Variants in ARIH1 observed in about 807,000 individuals in gnomAD.
ARIH1 encodes E3 ubiquitin-protein ligase ARIH1.
ARIH1 carries 8 observed loss-of-function variants against 85.0 expected under a neutral mutation model. That is an observed-to-expected ratio of 0.09 (90% CI 0.06 to 0.17). ARIH1 has a LOEUF of 0.17. Ranked by LOEUF, ARIH1 falls within the 10% of genes least tolerant of loss-of-function variation. The probability of loss-of-function intolerance (pLI) is 1.00; values close to 1 mark genes in which losing one functional copy is unlikely to be tolerated. For missense variants in ARIH1, 311 were observed against 718.1 expected (o/e 0.43, Z 6.48); for synonymous variants, 238 against 253.6 (o/e 0.94, Z 0.59).
In ARIH1 at chr15:72,596,666, T is replaced by C. The variant is rs533036180; in HGVS notation, c.*13374T>C. ...TTCTTTTTGTTTTCAGTTTGGATAC[T>C]TTCCATTTAACCATCTTTAAGTTTT... is the stretch of plus-strand genomic sequence containing the variant. On this transcript the variant is annotated 3_prime_UTR_variant, in exon 14 of 14. Transcript: ENST00000379887. 6.6e-6 allele frequency: 1 copy of C among 152,310 alleles called. No individual in the cohort carries two copies. Among genetic ancestry groups the C allele is most frequent in the Admixed American group, 6.5e-5 (1 of 15,298 alleles). 9.4% of individuals were successfully genotyped at this position (152,310 alleles called of 1,614,324 possible). A position where few individuals can be genotyped will look rare whatever the true frequency, so the allele number is the denominator to read the frequency against.
At chr15:72,550,325 G>A (rs887815962) in intron 3 of ARIH1, among the ~76,000 whole-genome samples, 1 of 152,174 alleles carries the variant, frequency 6.6e-6, no homozygotes, top group African/African-American at 2.4e-5. Flanking sequence ...GTCAAAAAAG[G>A]TTGAGACTTA....
In ARIH1 at chr15:72,593,452, A is replaced by G. The variant is rs879438860; in HGVS notation, c.*10160A>G. Reference sequence around the variant, plus strand: ...GAATATATTTTCTTCTAGAAGTTTTATGGTTTGGGATTTTATGTTTAGGTC... The same window carrying G: ...GAATATATTTTCTTCTAGAAGTTTTGTGGTTTGGGATTTTATGTTTAGGTC... On this transcript the variant is annotated 3_prime_UTR_variant, in exon 14 of 14. Transcript: ENST00000379887. 1 of 152,142 alleles carries G rather than the reference A, an allele frequency of 6.6e-6. No individual in the cohort carries two copies. The highest frequency in any genetic ancestry group is 1.5e-5 in the Non-Finnish European group (1 of 68,010). 9.4% of individuals were successfully genotyped at this position (152,142 alleles called of 1,614,324 possible). A position where few individuals can be genotyped will look rare whatever the true frequency, so the allele number is the denominator to read the frequency against.
intron 1 of ARIH1, among the ~76,000 whole-genome samples, chr15:72,512,702 T>C (rs2063955933): frequency 6.6e-6 from 1 of 152,030 alleles, no homozygotes; most frequent in South Asian, 2.1e-4. Context: ...AACTTTGATA[T>C]GTTGTATTTT....
chr15:72,582,152 G>T lies in ARIH1; in HGVS notation c.1554G>T (p.Leu518=), dbSNP rs373806747. ...AACGAGATATTTCCCAAGATTCTCT[G>T]CAGGATATAAAGCAGAAAGTACAAG... ...YLERDISQDS[L]QDIKQKVQDK... Residue 518 remains leucine, a synonymous_variant, in exon 13 of 14, where the codon CTG becomes CTT. Transcript: ENST00000379887. The surrounding 1 kb of genome is among the most constrained non-coding windows in gnomAD (Gnocchi z 4.6). 18 of 1,613,268 alleles carry T rather than the reference G, an allele frequency of 1.1e-5. No individual in the cohort carries two copies. Among genetic ancestry groups the T allele is most frequent in the Non-Finnish European group, 1.4e-5 (17 of 1,179,558 alleles).
chr15:72,529,056 C>T (rs1429045937), intron 2 of ARIH1, among the ~76,000 whole-genome samples: 6 of 151,414 alleles, frequency 4.0e-5, no homozygotes, highest in South Asian at 2.1e-4. Flanking sequence ...AAAAATTAGC[C>T]GCGTGTGGTG....
chr15:72,583,530 A>G lies in ARIH1; in HGVS notation c.*238A>G, dbSNP rs1351310925. The G allele has an allele frequency of 2.5e-6, 1 of 399,764 alleles. No individual in the cohort carries two copies. Among genetic ancestry groups the G allele is most frequent in the East Asian group, 3.6e-5 (1 of 27,598 alleles). 24.8% of individuals were successfully genotyped at this position (399,764 alleles called of 1,614,324 possible). A position where few individuals can be genotyped will look rare whatever the true frequency, so the allele number is the denominator to read the frequency against. On this transcript the variant is annotated 3_prime_UTR_variant, in exon 14 of 14. Transcript: ENST00000379887. Reference sequence around the variant, plus strand: ...ACAAAAGTGTGACAGACACACTAAAAGCCCTCCAACTTTAACTTGTAACGT... The same window carrying G: ...ACAAAAGTGTGACAGACACACTAAAGGCCCTCCAACTTTAACTTGTAACGT...
Position 72,582,275 on chromosome 15 carries a change from C to A in ARIH1, c.1589+88C>A. On this transcript the variant is annotated intron_variant, in intron 13 of 13. Coordinates refer to ENST00000379887, the MANE Select transcript of ARIH1 (RefSeq NM_005744.5). This position sits in a 1 kb window ranked among gnomAD's most constrained non-coding sequence, Gnocchi z 4.6. Reference sequence around the variant, plus strand: ...TCAGTGATAGTGAAACTGGGTTTAGCATATCCAGCAACTGAGCTTTTGCCA... The same window carrying A: ...TCAGTGATAGTGAAACTGGGTTTAGAATATCCAGCAACTGAGCTTTTGCCA... The A allele has an allele frequency of 1.2e-6, 1 of 848,994 alleles. No individual in the cohort carries two copies. Among genetic ancestry groups the A allele is most frequent in the Non-Finnish European group, 1.9e-6 (1 of 535,470 alleles). The allele number at this position is 848,994 out of a possible 1,614,324, so 52.6% of individuals were successfully genotyped here.
intron 1 of ARIH1, among the ~76,000 whole-genome samples, chr15:72,506,343 C>T (rs2063924761): frequency 9.7e-5 from 1 of 10,320 alleles, no homozygotes; most frequent in Admixed American, 4.3e-3. Flanking sequence ...GAGCAAGACT[C>T]CGTCTCACAA....
intron 6 of ARIH1, among the ~76,000 whole-genome samples, chr15:72,562,896 TA>T (rs36009263): frequency 0.83 from 117,625 of 141,940 alleles, 50,808 homozygotes; most frequent in Middle Eastern, 0.95. Context: ...CAGTCATCTT[TA>T]AAAAAAAAAA....
At chr15:72,572,505 C>T (rs181357089) in intron 11 of ARIH1, 43 of 172,416 alleles carry the variant, frequency 2.5e-4, no homozygotes, top group African/African-American at 7.1e-4. Flanking sequence ...TGAGCCACCA[C>T]GCCCAGCCCA....
intron 2 of ARIH1, among the ~76,000 whole-genome samples, chr15:72,525,887 C>G (rs2064025744): frequency 6.6e-6 from 1 of 151,986 alleles, no homozygotes; most frequent in African/African-American, 2.4e-5. Context: ...GCGATCCTCT[C>G]ACCTCAGCCC....
At chr15:72,483,004 G>A (rs980779293) in intron 1 of ARIH1, among the ~76,000 whole-genome samples, 2 of 151,944 alleles carry the variant, frequency 1.3e-5, no homozygotes, top group Non-Finnish European at 2.9e-5. Context: ...CCACACCCCA[G>A]CTTATTTTTT....
intron 2 of ARIH1, among the ~76,000 whole-genome samples, chr15:72,540,308 TA>T: frequency 6.7e-6 from 1 of 149,340 alleles, no homozygotes; most frequent in South Asian, 2.2e-4. Flanking sequence ...TATAAAACTG[TA>T]ATCAACTGGG....
intron 2 of ARIH1, among the ~76,000 whole-genome samples, chr15:72,542,767 T>C (rs2064112990): frequency 6.6e-6 from 1 of 152,144 alleles, no homozygotes; most frequent in Non-Finnish European, 1.5e-5. Flanking sequence ...TGAGAGTCAT[T>C]AGTTCCCTGT....
chr15:72,496,891 A>G, intron 1 of ARIH1: 1 of 982,078 alleles, frequency 1.0e-6, no homozygotes, highest in Non-Finnish European at 1.2e-6. Flanking sequence ...ACAAGTCATT[A>G]AAAGACCATT....
intron 1 of ARIH1, among the ~76,000 whole-genome samples, chr15:72,478,210 G>A (rs908421618): frequency 1.3e-5 from 2 of 152,086 alleles, no homozygotes; most frequent in Non-Finnish European, 2.9e-5. Context: ...CCGCCTCTTG[G>A]GTTCAAGCAA....
chr15:72,500,636 T>C (rs2063898893), intron 1 of ARIH1, among the ~76,000 whole-genome samples: 1 of 152,220 alleles, frequency 6.6e-6, no homozygotes, highest in African/African-American at 2.4e-5. Flanking sequence ...AATGATAAGT[T>C]ATGGAAGAAA....
intron 5 of ARIH1, among the ~76,000 whole-genome samples, chr15:72,558,511 A>G (rs1393295287): frequency 6.6e-6 from 1 of 152,224 alleles, no homozygotes; most frequent in Admixed American, 6.5e-5. Context: ...CATGTTGGCC[A>G]GGCTGTTCTC....
At chr15:72,539,416 A>G (rs1213191113) in intron 2 of ARIH1, among the ~76,000 whole-genome samples, 1 of 152,206 alleles carries the variant, frequency 6.6e-6, no homozygotes, top group East Asian at 1.9e-4. Context: ...GTAAACTGAT[A>G]AAACAACAGA....
Sources: allele counts gnomAD v4.1 joint callset (sites outside exome capture counted in the v4.1 genomes callset), GRCh38; gene constraint gnomAD v4.1.1; non-coding constraint Gnocchi (gnomAD v3.1); transcripts MANE v1.5; gene names NCBI Gene and HGNC (gene_info 2026-07-23, HGNC 2026-07-21).